The following MARCHF1 variants were observed in gnomAD, a reference collection of about 807,000 sequenced individuals.
MARCHF1 encodes membrane associated ring-CH-type finger 1, also known as E3 ubiquitin-protein ligase MARCHF1.
In MARCHF1, 40 loss-of-function variants were observed where a neutral mutation model predicts 54.2. The observed-to-expected ratio is 0.74, with a 90% CI of 0.57 to 0.96. The LOEUF (loss-of-function observed/expected upper bound fraction) is 0.96, where lower values mean the gene tolerates loss of function less well. MARCHF1 is among the 40% of genes least tolerant of loss of function. The pLI is 0.00. For missense variants in MARCHF1, 586 were observed against 656.5 expected (o/e 0.89, Z 1.17); for synonymous variants, 236 against 236.3 (o/e 1.00, Z 0.01).
At chr4:164,225,665 A>T (rs959323984) in intron 1 of MARCHF1, among the ~76,000 whole-genome samples, 5 of 152,034 alleles carry the variant, frequency 3.3e-5, no homozygotes, top group Admixed American at 1.3e-4. Flanking sequence ...CTGAAAATTT[A>T]AAAAATTAAA....
chr4:164,043,535 C>T (rs1354009878), intron 2 of MARCHF1, among the ~76,000 whole-genome samples: 2 of 152,018 alleles, frequency 1.3e-5, no homozygotes, highest in Non-Finnish European at 1.5e-5. Context: ...ACCATTTTTC[C>T]TTCCTAGGCC....
At chr4:164,272,767 T>C (rs1733774125) in intron 1 of MARCHF1, among the ~76,000 whole-genome samples, 1 of 151,898 alleles carries the variant, frequency 6.6e-6, no homozygotes, top group Admixed American at 6.6e-5. Context: ...ACATTATATA[T>C]TTTCTATGTA....
chr4:164,260,032 T>C (rs1733419994), intron 1 of MARCHF1, among the ~76,000 whole-genome samples: 2 of 152,150 alleles, frequency 1.3e-5, no homozygotes, highest in African/African-American at 4.8e-5. Flanking sequence ...GATTTTAACA[T>C]ATAACCGGGG....
intron 1 of MARCHF1, among the ~76,000 whole-genome samples, chr4:164,141,153 T>C (rs1447772339): frequency 1.3e-5 from 2 of 152,212 alleles, no homozygotes; most frequent in Non-Finnish European, 2.9e-5. Flanking sequence ...CTTCTCCTGG[T>C]TGTAGCAACA....
At chr4:163,669,690 C>A (rs1743663530) in intron 5 of MARCHF1, among the ~76,000 whole-genome samples, 1 of 151,936 alleles carries the variant, frequency 6.6e-6, no homozygotes. Flanking sequence ...CCTCTGCCTC[C>A]CCAGTTCAAG....
At chr4:164,258,869 A>G (rs1356559930) in intron 1 of MARCHF1, among the ~76,000 whole-genome samples, 1 of 152,162 alleles carries the variant, frequency 6.6e-6, no homozygotes, top group African/African-American at 2.4e-5. Flanking sequence ...GACATGTCAG[A>G]ATTATAGAAA....
At chr4:164,187,176 G>A (rs918129326) in intron 1 of MARCHF1, among the ~76,000 whole-genome samples, 12 of 152,072 alleles carry the variant, frequency 7.9e-5, no homozygotes, top group African/African-American at 2.9e-4. Context: ...TAAGAAAAAG[G>A]CATTGACAGC....
intron 4 of MARCHF1, among the ~76,000 whole-genome samples, chr4:163,729,904 G>A (rs552807800): frequency 7.2e-5 from 11 of 151,952 alleles, no homozygotes; most frequent in African/African-American, 1.4e-4. Context: ...GTTATTATTC[G>A]CTGTGAGTTC....
intron 5 of MARCHF1, among the ~76,000 whole-genome samples, chr4:163,698,939 T>C (rs1328715025): frequency 6.6e-6 from 1 of 152,186 alleles, no homozygotes; most frequent in Admixed American, 6.5e-5. Flanking sequence ...ATTGTTTTAA[T>C]TTATAACCAC....
intron 1 of MARCHF1, among the ~76,000 whole-genome samples, chr4:164,186,424 A>C (rs1044012091): frequency 4.6e-5 from 7 of 152,206 alleles, no homozygotes; most frequent in Non-Finnish European, 1.0e-4. Flanking sequence ...GAACCAATAC[A>C]CTGCTCACTT....
At chr4:163,556,993 T>G (rs1739315090) in intron 8 of MARCHF1, among the ~76,000 whole-genome samples, 1 of 152,168 alleles carries the variant, frequency 6.6e-6, no homozygotes, top group Non-Finnish European at 1.5e-5. Flanking sequence ...TCCATGATTT[T>G]CAATGGATTC....
At chr4:163,654,599 GTTCCTC>G (rs1275913533) in intron 5 of MARCHF1, among the ~76,000 whole-genome samples, 2 of 151,524 alleles carry the variant, frequency 1.3e-5, no homozygotes, top group East Asian at 3.9e-4. Context: ...ATTCTATAGT[GTTCCTC>G]TTCATCTTTG....
chr4:163,576,306 A>G (rs988528823), intron 8 of MARCHF1, among the ~76,000 whole-genome samples: 1 of 152,108 alleles, frequency 6.6e-6, no homozygotes, highest in African/African-American at 2.4e-5. Context: ...CTCAAAAGTC[A>G]TTTAGGATTA....
At chr4:164,142,405 C>A (rs1756569298) in intron 1 of MARCHF1, among the ~76,000 whole-genome samples, 1 of 152,174 alleles carries the variant, frequency 6.6e-6, no homozygotes, top group African/African-American at 2.4e-5. Flanking sequence ...GTAACCTCTG[C>A]AGACTTAAAT....
chr4:164,127,639 C>T (rs762063750), intron 1 of MARCHF1, among the ~76,000 whole-genome samples: 5 of 151,986 alleles, frequency 3.3e-5, no homozygotes, highest in Non-Finnish European at 5.9e-5. Context: ...GAGGGAATAA[C>T]TCACTTATTA....
intron 1 of MARCHF1, among the ~76,000 whole-genome samples, chr4:164,276,675 T>A (rs1049891482): frequency 6.6e-6 from 1 of 151,034 alleles, no homozygotes; most frequent in African/African-American, 2.4e-5. Context: ...CAAGAATGTA[T>A]ACAATTATGG....
intron 1 of MARCHF1, among the ~76,000 whole-genome samples, chr4:164,127,337 G>T (rs368274797): frequency 1.4e-4 from 22 of 152,246 alleles, no homozygotes; most frequent in African/African-American, 5.3e-4. Flanking sequence ...TATTAAAAGA[G>T]AAGAACTTAG....
At chr4:164,178,800 T>C (rs1472911651) in intron 1 of MARCHF1, among the ~76,000 whole-genome samples, 1 of 152,148 alleles carries the variant, frequency 6.6e-6, no homozygotes. Context: ...ATTAAAAATA[T>C]GGCTTGAGCT....
intron 1 of MARCHF1, among the ~76,000 whole-genome samples, chr4:164,174,500 T>G (rs1730611558): frequency 6.6e-6 from 1 of 152,104 alleles, no homozygotes. Flanking sequence ...GCAGGGTGAT[T>G]GTGGAGTACA....
Sources: allele counts gnomAD v4.1 joint callset (sites outside exome capture counted in the v4.1 genomes callset), GRCh38; gene constraint gnomAD v4.1.1; transcripts MANE v1.5; gene names NCBI Gene and HGNC (gene_info 2026-07-23, HGNC 2026-07-21).